GRK4: variants seen among roughly 807,000 people sequenced by gnomAD.
The protein encoded by GRK4 is G protein-coupled receptor kinase 4, also known as G protein-coupled receptor kinase 2-like.
GRK4 carries 73 observed loss-of-function variants against 77.9 expected under a neutral mutation model. The ratio of observed to expected loss-of-function variants is 0.94; its 90% CI spans 0.78 to 1.14. The LOEUF (loss-of-function observed/expected upper bound fraction) is 1.14, where lower values mean the gene tolerates loss of function less well. GRK4 is among the 50% of genes most tolerant of loss of function. GRK4 has a pLI of 0.00. For synonymous variants in GRK4, 257 were observed against 254.4 expected (o/e 1.01, Z -0.10); for missense variants, 729 against 700.2 (o/e 1.04, Z -0.46).
chr4:2,964,027 C>T lies in GRK4; in HGVS notation c.-44C>T. 2 of 1,586,472 alleles carry T rather than the reference C, an allele frequency of 1.3e-6. No homozygotes were observed. Among genetic ancestry groups the T allele is most frequent in the Non-Finnish European group, 1.7e-6 (2 of 1,162,932 alleles). ...TCTCCTCCTGTTCCGCCTCCTCAGT[C>T]TCCTCGGTCTCGCAGAATCCGCCGG... On this transcript the variant is annotated 5_prime_UTR_variant, in exon 1 of 16. Coordinates refer to ENST00000398052, the MANE Select transcript of GRK4 (RefSeq NM_182982.3).
At chr4:3,030,493 C>T (rs931809034) in intron 12 of GRK4, among the ~76,000 whole-genome samples, 5 of 152,020 alleles carry the variant, frequency 3.3e-5, no homozygotes, top group African/African-American at 1.2e-4. Flanking sequence ...CCGTCCTAGG[C>T]ATTGGGGGAA....
intron 1 of GRK4, among the ~76,000 whole-genome samples, chr4:2,970,692 G>A (rs1044930289): frequency 3.3e-5 from 5 of 151,128 alleles, no homozygotes; most frequent in African/African-American, 1.2e-4. Flanking sequence ...TTTTGGGGGG[G>A]TCAGTCTCGC....
At chr4:3,000,585 T>A (rs1303861499) in intron 4 of GRK4, among the ~76,000 whole-genome samples, 2 of 150,522 alleles carry the variant, frequency 1.3e-5, no homozygotes, top group African/African-American at 4.9e-5. Flanking sequence ...TTTTTTTTTT[T>A]GAAACAGTCT....
intron 4 of GRK4, among the ~76,000 whole-genome samples, chr4:3,000,277 T>G (rs1729134389): frequency 6.6e-6 from 1 of 152,196 alleles, no homozygotes; most frequent in East Asian, 1.9e-4. Context: ...TGCTTTTCCT[T>G]TGTGTGAGAA....
chr4:2,985,450 A>C (rs1724030496), intron 2 of GRK4, among the ~76,000 whole-genome samples: 1 of 151,754 alleles, frequency 6.6e-6, no homozygotes, highest in Non-Finnish European at 1.5e-5. Flanking sequence ...ACATACCTGT[A>C]GGTGCACCTA....
At chr4:3,037,559 C>T (rs774591304) in intron 14 of GRK4, 48 bp downstream of exon 14, 1 of 1,553,822 alleles carries the variant, frequency 6.4e-7, no homozygotes, top group Non-Finnish European at 8.8e-7. Flanking sequence ...CAACAGTGAC[C>T]CAGGGAAAAG....
intron 7 of GRK4, among the ~76,000 whole-genome samples, chr4:3,013,125 C>T (rs1236727264): frequency 1.3e-5 from 2 of 151,758 alleles, no homozygotes; most frequent in Non-Finnish European, 2.9e-5. Flanking sequence ...CTTACTACAA[C>T]CTCTGCCTCC....
At chr4:3,029,757 C>T (rs1473091967) in intron 12 of GRK4, among the ~76,000 whole-genome samples, 1 of 152,058 alleles carries the variant, frequency 6.6e-6, no homozygotes, top group African/African-American at 2.4e-5. Context: ...TCACGTCAAC[C>T]TGTCTCTTGG....
At chr4:2,972,300 C>T (rs1719798135) in intron 1 of GRK4, among the ~76,000 whole-genome samples, 1 of 152,154 alleles carries the variant, frequency 6.6e-6, no homozygotes, top group Non-Finnish European at 1.5e-5. Context: ...CATGGCCCCA[C>T]GACTCATCAT....
chr4:2,998,037 G>A (rs1354178165), intron 4 of GRK4, among the ~76,000 whole-genome samples: 1 of 152,022 alleles, frequency 6.6e-6, no homozygotes, highest in Non-Finnish European at 1.5e-5. Flanking sequence ...GGAGGTTCTA[G>A]ACAGGGCAAT....
At position 3,027,942 on chromosome 4, in the gene GRK4, CCA is replaced by C. The variant is rs777575499; in HGVS notation, c.1004_1005del (p.Thr335ArgfsTer21). 6.8e-6 allele frequency: 11 copies of C among 1,614,020 alleles called. No individual in the cohort carries two copies. The highest frequency in any genetic ancestry group is 9.3e-6 in the Non-Finnish European group (11 of 1,179,974). ...ATCCGGATTTCAGACCTCGGTTTGG[CCA>C]CAGAGATCCCAGAAGGACAGAGGGT... On this transcript the variant is annotated frameshift_variant, in exon 11 of 16. Transcript: ENST00000398052. LOFTEE classifies it high-confidence loss of function.
intron 12 of GRK4, among the ~76,000 whole-genome samples, chr4:3,033,325 T>C (rs998566554): frequency 1.3e-5 from 2 of 152,200 alleles, no homozygotes; most frequent in Admixed American, 1.3e-4. Context: ...CCTTTTCTAA[T>C]GGCAGGAATC....
chr4:2,979,403 C>CAAA lies in GRK4; in HGVS notation c.53-5089_53-5087dup, dbSNP rs144374548. 3.2e-3 allele frequency among the ~76,000 whole-genome samples: 186 copies of CAAA among 58,982 alleles called. 2 individuals carry two copies. The highest frequency in any genetic ancestry group is 3.5e-3 in the Non-Finnish European group (114 of 32,282). 38.7% of individuals were successfully genotyped at this position (58,982 alleles called of 152,430 possible). On this transcript the variant is annotated intron_variant, in intron 1 of 15. Transcript: ENST00000398052. ...TGAGTGACAGAGGGAGACTCTGTCT[C>CAAA]AAAAAAAAAAAAAAAAAAAAAAAGA...
intron 4 of GRK4, among the ~76,000 whole-genome samples, chr4:2,996,384 G>T (rs1472931014): frequency 6.6e-6 from 1 of 152,084 alleles, no homozygotes; most frequent in Non-Finnish European, 1.5e-5. Context: ...GTGAAACCCC[G>T]TCTCTACTAA....
intron 8 of GRK4, among the ~76,000 whole-genome samples, chr4:3,015,959 A>G (rs1734353395): frequency 6.7e-6 from 1 of 148,384 alleles, no homozygotes; most frequent in Non-Finnish European, 1.5e-5. Flanking sequence ...CCCGGGCTGG[A>G]GTGCAGTGGC....
chr4:2,994,667 T>C (rs540775326), intron 4 of GRK4, among the ~76,000 whole-genome samples: 2 of 152,292 alleles, frequency 1.3e-5, no homozygotes, highest in South Asian at 2.1e-4. Context: ...ATGGTAGATA[T>C]AGCAAATGTG....
intron 1 of GRK4, chr4:2,966,601 A>G (rs1255739704): frequency 6.6e-6 from 1 of 152,182 alleles, no homozygotes; most frequent in African/African-American, 2.4e-5. Flanking sequence ...ACATGGATAC[A>G]TGCTGAGTAT....
intron 8 of GRK4, among the ~76,000 whole-genome samples, chr4:3,015,353 G>A (rs1328553245): frequency 2.0e-5 from 3 of 152,198 alleles, no homozygotes; most frequent in Non-Finnish European, 4.4e-5. Flanking sequence ...GGGGACAAAT[G>A]TTCCCAGTGT....
chr4:2,979,587 C>T (rs1161916544), intron 1 of GRK4, among the ~76,000 whole-genome samples: 1 of 152,158 alleles, frequency 6.6e-6, no homozygotes, highest in African/African-American at 2.4e-5. Flanking sequence ...GTGGCACATG[C>T]CTGTAATCCC....
Sources: gnomAD v4.1 joint callset for allele counts (sites outside exome capture counted in the v4.1 genomes callset) on GRCh38, gnomAD v4.1.1 for gene constraint, MANE v1.5 for transcripts, NCBI Gene and HGNC (gene_info 2026-07-23, HGNC 2026-07-21) for gene names.